Variants in TNS3 observed in about 807,000 individuals in gnomAD.
The protein encoded by TNS3 is tensin 3, also known as tensin-3.
Under a neutral mutation model 140.9 loss-of-function variants are expected in TNS3, and 45 were observed. The observed-to-expected ratio is 0.32, with a 90% confidence interval of 0.25 to 0.41. TNS3 has a LOEUF of 0.41. Among genes scored for constraint, TNS3 ranks in the 10% least tolerant of loss-of-function variants. The pLI is 1.00. For synonymous variants in TNS3, 815 were observed against 788.4 expected, an observed-to-expected ratio of 1.03 and a Z score of -0.56; for missense variants, 1,716 against 1,906.7, an observed-to-expected ratio of 0.90 and a Z score of 1.86.
At chr7:47,557,704 G>C (rs976962989) in intron 1 of TNS3, among the ~76,000 whole-genome samples, 1 of 152,214 alleles carries the variant, frequency 6.6e-6, no homozygotes, top group African/African-American at 2.4e-5. Context: ...GGGACATTTG[G>C]AAATGTGAGG....
Position 47,415,142 on chromosome 7 carries a change from G to A in TNS3, c.538C>T (p.Leu180=), listed in dbSNP as rs1291975447. The A allele has an allele frequency of 1.9e-6, 3 of 1,612,246 alleles. No homozygotes were observed. The highest frequency in any genetic ancestry group is 2.7e-5 in the African/African-American group (2 of 74,922). The change falls in exon 11 of 31, where the codon CTG becomes TTG. Residue 180 remains leucine (L), a synonymous_variant. Coordinates refer to ENST00000311160, the MANE Select transcript of TNS3 (RefSeq NM_022748.12). ...GTGCCGTGGAGGATGACAAAATGCAGGAACAGGGGAGAGGCATTCATTTTC... is the reference window on the plus strand; with the variant it reads ...GTGCCGTGGAGGATGACAAAATGCAAGAACAGGGGAGAGGCATTCATTTTC... The part of the protein sequence containing the change: ...SVKMNASPLF[L]HFVILHGTPN...
intron 27 of TNS3, among the ~76,000 whole-genome samples, chr7:47,287,117 AG>A (rs773325924): frequency 6.6e-6 from 1 of 150,518 alleles, no homozygotes; most frequent in Admixed American, 6.6e-5. Context: ...AAAAAAAAAA[AG>A]TATACCTACC....
At chr7:47,357,382 TCA>T (rs911135241) in intron 17 of TNS3, among the ~76,000 whole-genome samples, 5 of 151,546 alleles carry the variant, frequency 3.3e-5, no homozygotes, top group Non-Finnish European at 7.4e-5. Context: ...TTCAGCTCAT[TCA>T]CACACACACA....
intron 16 of TNS3, among the ~76,000 whole-genome samples, chr7:47,376,867 G>A (rs931375936): frequency 6.6e-5 from 10 of 152,114 alleles, no homozygotes; most frequent in African/African-American, 2.2e-4. Context: ...TGTCACAGCC[G>A]CTGCAGTGAT....
At chr7:47,510,711 T>C (rs1238090665) in intron 2 of TNS3, among the ~76,000 whole-genome samples, 4 of 151,908 alleles carry the variant, frequency 2.6e-5, no homozygotes, top group African/African-American at 9.7e-5. Context: ...CCATCTCTAC[T>C]AAAAATACAA....
chr7:47,467,022 T>C (rs1168833188), intron 4 of TNS3, among the ~76,000 whole-genome samples: 1 of 152,150 alleles, frequency 6.6e-6, no homozygotes, highest in Non-Finnish European at 1.5e-5. Context: ...ATGACGGTGG[T>C]GGTGATGGTG....
In TNS3 at chr7:47,530,838, A is replaced by AAAAAATATATAT; in HGVS notation, c.-264-1692_-264-1691insATATATATTTTT. Among the ~76,000 whole-genome samples, 73 of 54,550 alleles carry AAAAAATATATAT rather than the reference A, an allele frequency of 1.3e-3. 1 individual carries two copies. The highest frequency in any genetic ancestry group is 2.2e-3 in the Non-Finnish European group (66 of 30,366). 35.8% of individuals were successfully genotyped at this position (54,550 alleles called of 152,430 possible). A position where few individuals can be genotyped will look rare whatever the true frequency, so the allele number is the denominator to read the frequency against. ...AACTCCATCTCAAAAAAAAAAAAAA[A>AAAAAATATATAT]ATATATATATATATATATATTTCTA... On this transcript the variant is annotated intron_variant, in intron 1 of 30. Transcript: ENST00000311160.
intron 16 of TNS3, among the ~76,000 whole-genome samples, chr7:47,377,257 A>T (rs1291390322): frequency 2.0e-5 from 3 of 152,252 alleles, no homozygotes; most frequent in Non-Finnish European, 4.4e-5. Flanking sequence ...GAAAATGCTG[A>T]AGACAGAGAG....
At chr7:47,426,132 A>G (rs575528418) in intron 9 of TNS3, among the ~76,000 whole-genome samples, 2 of 152,266 alleles carry the variant, frequency 1.3e-5, no homozygotes, top group South Asian at 4.2e-4. Flanking sequence ...AATACAAAAA[A>G]TTAGCTGGGC....
chr7:47,394,302 A>G (rs1054916180), intron 16 of TNS3, among the ~76,000 whole-genome samples: 1 of 152,216 alleles, frequency 6.6e-6, no homozygotes, highest in Non-Finnish European at 1.5e-5. Context: ...TGGAACCCCT[A>G]TAAGTGGGAT....
chr7:47,316,094 T>TTTTC, intron 20 of TNS3, among the ~76,000 whole-genome samples: 1 of 105,782 alleles, frequency 9.5e-6, no homozygotes, highest in East Asian at 2.9e-4. Context: ...AACTAACTAT[T>TTTTC]TCTCTCTCTC....
intron 1 of TNS3, among the ~76,000 whole-genome samples, chr7:47,534,398 T>C (rs1315875251): frequency 6.6e-6 from 1 of 152,122 alleles, no homozygotes; most frequent in Non-Finnish European, 1.5e-5. Context: ...CTCTCTTAAA[T>C]AGAAAAGATA....
chr7:47,379,469 G>A (rs548120967), intron 16 of TNS3, among the ~76,000 whole-genome samples: 12 of 152,260 alleles, frequency 7.9e-5, no homozygotes, highest in African/African-American at 2.6e-4. Context: ...GAAAATTCAA[G>A]AGCTAAGAAA....
chr7:47,459,302 A>G (rs1796387396), intron 4 of TNS3, among the ~76,000 whole-genome samples: 1 of 152,238 alleles, frequency 6.6e-6, no homozygotes, highest in South Asian at 2.1e-4. Flanking sequence ...TGTGACTTCC[A>G]GGACCACATG....
chr7:47,512,576 G>GC (rs1347306784), intron 2 of TNS3, among the ~76,000 whole-genome samples: 2 of 152,174 alleles, frequency 1.3e-5, no homozygotes, highest in African/African-American at 4.8e-5. Context: ...CAGATATACA[G>GC]CACTCTGTGT....
At chr7:47,498,253 C>T (rs1355348314) in intron 3 of TNS3, among the ~76,000 whole-genome samples, 1 of 152,248 alleles carries the variant, frequency 6.6e-6, no homozygotes, top group Admixed American at 6.5e-5. Flanking sequence ...TGCCAACAGC[C>T]TCCTACCCTC....
intron 16 of TNS3, among the ~76,000 whole-genome samples, chr7:47,385,560 C>T (rs553805735): frequency 6.6e-6 from 1 of 152,296 alleles, no homozygotes; most frequent in Admixed American, 6.5e-5. Context: ...CACACGTGGC[C>T]TCTGGTTTTC....
At chr7:47,545,397 G>A (rs1426293103) in intron 1 of TNS3, among the ~76,000 whole-genome samples, 1 of 152,092 alleles carries the variant, frequency 6.6e-6, no homozygotes, top group East Asian at 1.9e-4. Flanking sequence ...GGTAGTGCAT[G>A]CCACTGGTCA....
chr7:47,501,182 AAGGAAGGG>A lies in TNS3; in HGVS notation c.-115+5717_-115+5724del, dbSNP rs1468217701. 3.4e-3 allele frequency among the ~76,000 whole-genome samples: 413 copies of A among 122,142 alleles called. 2 individuals are homozygous for A. The highest frequency in any genetic ancestry group is 7.2e-3 in the Middle Eastern group (2 of 278). 80.1% of individuals were successfully genotyped at this position (122,142 alleles called of 152,430 possible). On this transcript the variant is annotated intron_variant, in intron 3 of 30. Coordinates refer to ENST00000311160, the MANE Select transcript of TNS3 (RefSeq NM_022748.12). ...AAAGAAAGGGAGGAAGAGAGGAAGG[AAGGAAGGG>A]AGGGAGGGAGGGAGGGAGGGAGGGA...
Sources: gnomAD v4.1 joint callset for allele counts (sites outside exome capture counted in the v4.1 genomes callset) on GRCh38, gnomAD v4.1.1 for gene constraint, MANE v1.5 for transcripts, NCBI Gene and HGNC (gene_info 2026-07-23, HGNC 2026-07-21) for gene names.